Variants in GSE1 observed in about 807,000 individuals in gnomAD.
The protein encoded by GSE1 is Gse1 coiled-coil protein.
GSE1 carries 32 observed loss-of-function variants against 112.6 expected under a neutral mutation model. The ratio of observed to expected loss-of-function variants is 0.28; its 90% CI spans 0.21 to 0.38. GSE1 has a LOEUF of 0.38. Among genes scored for constraint, GSE1 ranks in the 10% least tolerant of loss-of-function variants. The pLI is 1.00. For synonymous variants in GSE1, 1,115 were observed against 735.6 expected, an observed-to-expected ratio of 1.52 and a Z score of -8.35; for missense variants, 2,348 against 1,699.2, an observed-to-expected ratio of 1.38 and a Z score of -6.71.
At chr16:85,667,716 G>C (rs1010782974) in intron 13 of GSE1, among the ~76,000 whole-genome samples, 1 of 152,164 alleles carries the variant, frequency 6.6e-6, no homozygotes. Context: ...AAAATTAGCT[G>C]GGCATGGTGG....
At chr16:85,218,500 A>C (rs1354227097) in intron 1 of GSE1, among the ~76,000 whole-genome samples, 1 of 152,218 alleles carries the variant, frequency 6.6e-6, no homozygotes, top group Non-Finnish European at 1.5e-5. Context: ...GTGAAACGAG[A>C]CGTGCCGCTC....
At chr16:85,327,949 C>A (rs1275999307) in intron 1 of GSE1, among the ~76,000 whole-genome samples, 2 of 152,088 alleles carry the variant, frequency 1.3e-5, no homozygotes, top group Admixed American at 6.5e-5. Flanking sequence ...TGCCCTGGTG[C>A]CCCCCACCCC....
chr16:85,195,815 C>G (rs1307714496), intron 1 of GSE1, among the ~76,000 whole-genome samples: 1 of 152,120 alleles, frequency 6.6e-6, no homozygotes, highest in Non-Finnish European at 1.5e-5. Context: ...AAGTCAGCAG[C>G]CTAATTCCAT....
intron 1 of GSE1, among the ~76,000 whole-genome samples, chr16:85,253,052 GCCCCCGCCCCC>G (rs1266739395): frequency 0.062 from 3,268 of 52,290 alleles, 60 homozygotes; most frequent in Middle Eastern, 0.14. Flanking sequence ...GCTCATAGGC[GCCCCCGCCCCC>G]CCCCCACCCC....
chr16:85,395,403 G>A (rs886762856), intron 2 of GSE1, among the ~76,000 whole-genome samples: 36 of 152,120 alleles, frequency 2.4e-4, no homozygotes, highest in Admixed American at 1.3e-4. Context: ...GGAATCTCCC[G>A]TTTCACAGGT....
At chr16:85,572,925 A>C (rs1173045321) in intron 1 of GSE1, among the ~76,000 whole-genome samples, 1 of 152,218 alleles carries the variant, frequency 6.6e-6, no homozygotes. Context: ...ACTGGAGTGC[A>C]GTGGCGCTGT....
intron 2 of GSE1, among the ~76,000 whole-genome samples, chr16:85,635,772 G>A (rs1598480688): frequency 6.6e-6 from 1 of 152,232 alleles, no homozygotes; most frequent in Non-Finnish European, 1.5e-5. Context: ...TCATCCAGCA[G>A]CTGTGTCTGC....
intron 2 of GSE1, among the ~76,000 whole-genome samples, chr16:85,364,819 G>A (rs1169146053): frequency 6.6e-6 from 1 of 152,180 alleles, no homozygotes; most frequent in Non-Finnish European, 1.5e-5. Context: ...TCTGTCCCCG[G>A]CAGAAGGGGC....
chr16:85,604,941 C>T (rs1354221170), intron 1 of GSE1, among the ~76,000 whole-genome samples: 45 of 136,238 alleles, frequency 3.3e-4, no homozygotes, highest in Non-Finnish European at 5.5e-4. Flanking sequence ...CCTCAGCCTC[C>T]CGAGTAGCTG....
At chr16:85,500,418 C>G (rs7500672) in intron 2 of GSE1, among the ~76,000 whole-genome samples, 2 of 152,004 alleles carry the variant, frequency 1.3e-5, no homozygotes, top group East Asian at 1.9e-4. Context: ...ATAAATCACT[C>G]GGCACTTCAA....
chr16:85,454,750 G>A lies in GSE1; in HGVS notation c.2464+97107G>A, dbSNP rs149819292. Among the ~76,000 whole-genome samples, 1,222 of 152,114 alleles carry A rather than the reference G, an allele frequency of 8.0e-3. 23 individuals carry two copies. Among genetic ancestry groups the A allele is most frequent in the African/African-American group, 0.028 (1,154 of 41,478 alleles). On this transcript the variant is annotated intron_variant, in intron 2 of 2. Coordinates refer to the GSE1 transcript ENST00000637419. ...TTGGCACTCCTTGCCGTGTAGACGC[G>A]TCACTCCAGGCTCTGCCTCCATCAT...
chr16:85,642,297 A>G (rs1466303266), intron 2 of GSE1, among the ~76,000 whole-genome samples: 4 of 152,224 alleles, frequency 2.6e-5, no homozygotes, highest in Non-Finnish European at 5.9e-5. Flanking sequence ...GGTGACAGAG[A>G]GAGACCCTGT....
At chr16:85,191,198 T>C (rs1277066805) in intron 1 of GSE1, among the ~76,000 whole-genome samples, 1 of 152,192 alleles carries the variant, frequency 6.6e-6, no homozygotes, top group African/African-American at 2.4e-5. Flanking sequence ...AAGCAGAGGC[T>C]GCAGTGAGCC....
Position 85,624,186 on chromosome 16 carries a change from G to A in GSE1, c.8-9728G>A, listed in dbSNP as rs2048919726. Reference sequence around the variant, plus strand: ...TGGAGACCTCAGTGCCCGCCCTGGGGTGGGGGAGCCAGGTTGGATTTCCCT... The same window carrying A: ...TGGAGACCTCAGTGCCCGCCCTGGGATGGGGGAGCCAGGTTGGATTTCCCT... On this transcript the variant is annotated intron_variant, in intron 1 of 15. Transcript: ENST00000253458. Among the ~76,000 whole-genome samples the A allele has an allele frequency of 2.0e-5, 3 of 152,210 alleles. No homozygotes were observed. In the South Asian group the frequency reaches 6.2e-4, roughly 32 times the overall value.
chr16:85,295,393 G>C (rs1019090949), intron 1 of GSE1, among the ~76,000 whole-genome samples: 1 of 152,268 alleles, frequency 6.6e-6, no homozygotes, highest in African/African-American at 2.4e-5. Context: ...GCGCGGGTCA[G>C]CACATCAGCC....
chr16:85,656,381 G>C lies in GSE1; in HGVS notation c.1028G>C (p.Arg343Pro), dbSNP rs376448790. ...GAGGAGCTAAGGCGGGAGAGGGAGCGCGAGCGCGAGCGCGAGCGTGAGCGT... is the reference window on the plus strand; with the variant it reads ...GAGGAGCTAAGGCGGGAGAGGGAGCCCGAGCGCGAGCGCGAGCGTGAGCGT... ...MDEELRRERE[R>P]EREREREREA... The change falls in exon 7 of 16, where the codon CGC (arginine) becomes CCC (proline). Residue 343 changes from arginine to proline, a missense_variant. Physicochemically the swap from Arg to Pro is moderately radical, Grantham distance 103 (BLOSUM62 -2). Coordinates refer to ENST00000253458, the MANE Select transcript of GSE1 (RefSeq NM_014615.5). 1.4e-6 allele frequency: 2 copies of C among 1,464,154 alleles called. No individual in the cohort carries two copies. The highest frequency in any genetic ancestry group is 1.8e-6 in the Non-Finnish European group (2 of 1,092,392). The allele number at this position is 1,464,154 out of a possible 1,614,324, so 90.7% of individuals were successfully genotyped here.
At chr16:85,342,922 G>A (rs2046655638) in intron 1 of GSE1, among the ~76,000 whole-genome samples, 2 of 151,292 alleles carry the variant, frequency 1.3e-5, no homozygotes, top group African/African-American at 2.4e-5. Context: ...AGGGGGTGCC[G>A]CTGAAAAGGG....
intron 1 of GSE1, among the ~76,000 whole-genome samples, chr16:85,598,824 G>C (rs1476463809): frequency 1.3e-5 from 2 of 152,254 alleles, no homozygotes; most frequent in African/African-American, 4.8e-5. Flanking sequence ...CGTCCGTTCT[G>C]CAGCCTCTGG....
intron 15 of GSE1, 63 bp from the exon 16 acceptor site, chr16:85,672,342 C>G: frequency 1.6e-6 from 2 of 1,271,006 alleles, no homozygotes; most frequent in Non-Finnish European, 2.3e-6. Flanking sequence ...CATGTTTGTA[C>G]TCTACATGCT....
Sources: allele counts gnomAD v4.1 joint callset (sites outside exome capture counted in the v4.1 genomes callset), GRCh38; gene constraint gnomAD v4.1.1; transcripts MANE v1.5; gene names NCBI Gene and HGNC (gene_info 2026-07-23, HGNC 2026-07-21).